LAMC3: variants seen among roughly 807,000 people sequenced by gnomAD.
The protein encoded by LAMC3 is laminin subunit gamma-3.
Under a neutral mutation model 173.8 loss-of-function variants are expected in LAMC3, and 128 were observed. The ratio of observed to expected loss-of-function variants is 0.74; its 90% CI spans 0.64 to 0.85. The LOEUF (loss-of-function observed/expected upper bound fraction) is 0.85. Ranked by LOEUF, LAMC3 falls within the 40% of genes least tolerant of loss-of-function variation. LAMC3 has a pLI of 0.00. For synonymous variants in LAMC3, 897 were observed against 909.1 expected, an observed-to-expected ratio of 0.99 and a Z score of 0.24; for missense variants, 2,022 against 2,156.0, an observed-to-expected ratio of 0.94 and a Z score of 1.23.
chr9:131,015,619 C>T lies in LAMC3; in HGVS notation c.373+6032C>T, dbSNP rs116202422. Among the ~76,000 whole-genome samples, 993 of 152,266 alleles carry T rather than the reference C, an allele frequency of 6.5e-3. 12 individuals carry two copies. The highest frequency in any genetic ancestry group is 0.023 in the African/African-American group (957 of 41,558). On this transcript the variant is annotated intron_variant, in intron 1 of 27. Transcript: ENST00000361069. Reference sequence around the variant, plus strand: ...ATGCAAGGGCCCCCGTGTGCAAAGGCTATGCAAGGGCCCCTGTGTGCATAG... The same window carrying T: ...ATGCAAGGGCCCCCGTGTGCAAAGGTTATGCAAGGGCCCCTGTGTGCATAG...
chr9:131,026,227 C>T lies in LAMC3; in HGVS notation c.374-58C>T. 1 of 1,608,500 alleles carries T rather than the reference C, an allele frequency of 6.2e-7. No homozygotes were observed. Among genetic ancestry groups the T allele is most frequent in the East Asian group, 2.2e-5 (1 of 44,532 alleles). On this transcript the variant is annotated intron_variant, in intron 1 of 27. Coordinates refer to ENST00000361069, the MANE Select transcript of LAMC3 (RefSeq NM_006059.4). This position sits in a 1 kb window ranked among gnomAD's most constrained non-coding sequence, Gnocchi z 4.8. The stretch of plus-strand genomic sequence containing the variant: ...AATGCAGCCGTCTGTCCTTCCTAGA[C>T]CAGGATTCCATACCTCCTTCCCCTT...
chr9:131,033,664 G>A (rs1039948809), intron 3 of LAMC3, among the ~76,000 whole-genome samples: 1 of 152,118 alleles, frequency 6.6e-6, no homozygotes, highest in Non-Finnish European at 1.5e-5. Context: ...GCCAAGTGGG[G>A]CAGATAGGAG....
At chr9:131,010,156 A>G (rs1833387417) in intron 1 of LAMC3, among the ~76,000 whole-genome samples, 1 of 123,914 alleles carries the variant, frequency 8.1e-6, no homozygotes, top group Non-Finnish European at 1.7e-5. Flanking sequence ...CCGTCTCAAA[A>G]AAAAAAAAAA....
chr9:131,012,685 C>T (rs556689643), intron 1 of LAMC3, among the ~76,000 whole-genome samples: 1 of 152,218 alleles, frequency 6.6e-6, no homozygotes, highest in Non-Finnish European at 1.5e-5. Flanking sequence ...TTGTCGGTGT[C>T]CCCTGTGGAG....
At chr9:131,046,250 T>C (rs566711545) in intron 8 of LAMC3, among the ~76,000 whole-genome samples, 20 of 136,976 alleles carry the variant, frequency 1.5e-4, no homozygotes, top group African/African-American at 5.1e-4. Context: ...TGAAGTGCAG[T>C]GGTGCAAGAT....
chr9:131,077,192 A>G lies in LAMC3; in HGVS notation c.3635A>G (p.Gln1212Arg), dbSNP rs1407357871. The G allele has an allele frequency of 3.1e-6, 5 of 1,613,520 alleles. No homozygotes were observed. Among genetic ancestry groups the G allele is most frequent in the Non-Finnish European group, 4.2e-6 (5 of 1,180,030 alleles). Residue 1212 changes from glutamine (Q) to arginine (R), a missense_variant, in exon 22 of 28, where the codon CAG becomes CGG. Gln to Arg is a conservative substitution (Grantham distance 43). Coordinates refer to ENST00000361069, the MANE Select transcript of LAMC3 (RefSeq NM_006059.4). ...TGGCCTCTGCTTCCTCCCAGGTACC[A>G]GGAGGTCCAGGCGGCCCAGAAAGCA... is the stretch of plus-strand genomic sequence containing the variant. The part of the protein sequence containing the change: ...ETQRDLEDRY[Q>R]EVQAAQKALR...
intron 3 of LAMC3, among the ~76,000 whole-genome samples, chr9:131,032,602 T>TCTC (rs1833858053): frequency 8.4e-6 from 1 of 118,692 alleles, no homozygotes; most frequent in Admixed American, 8.4e-5. Context: ...CTCACTCGCT[T>TCTC]TCTCTCTCTC....
At position 131,029,205 on chromosome 9, in the gene LAMC3, T is replaced by C. The variant is rs560750353; in HGVS notation, c.678+2616T>C. Among the ~76,000 whole-genome samples, 4 of 152,350 alleles carry C rather than the reference T, an allele frequency of 2.6e-5. No homozygotes were observed. Among genetic ancestry groups the C allele is most frequent in the South Asian group, 4.1e-4 (2 of 4,828 alleles). ...TCCAGGGCAAAGGGCCAGGCCCCTC[T>C]TTGGGCAAGCCGAATCCTTTATCAC... On this transcript the variant is annotated intron_variant, in intron 2 of 27. Coordinates refer to ENST00000361069, the MANE Select transcript of LAMC3 (RefSeq NM_006059.4). The surrounding 1 kb of genome is among the most constrained non-coding windows in gnomAD (Gnocchi z 4.6).
intron 1 of LAMC3, among the ~76,000 whole-genome samples, chr9:131,010,157 A>C (rs1833387465): frequency 7.7e-6 from 1 of 129,134 alleles, no homozygotes; most frequent in African/African-American, 3.2e-5. Flanking sequence ...CGTCTCAAAA[A>C]AAAAAAAAAA....
chr9:131,013,836 G>A (rs185558737), intron 1 of LAMC3, among the ~76,000 whole-genome samples: 1 of 152,220 alleles, frequency 6.6e-6, no homozygotes, highest in Non-Finnish European at 1.5e-5. Context: ...GACATTAGGG[G>A]GACCCTGTGG....
chr9:131,092,299 A>G lies in LAMC3; in HGVS notation c.*512A>G, dbSNP rs576699094. Reference sequence around the variant, plus strand: ...TCTGCAGAGATCAAGGGGGTCAGCAACAGCCAAAGCCCCTAGTCCCAGAGC... The same window carrying G: ...TCTGCAGAGATCAAGGGGGTCAGCAGCAGCCAAAGCCCCTAGTCCCAGAGC... On this transcript the variant is annotated 3_prime_UTR_variant, in exon 28 of 28. Transcript: ENST00000361069. 88 of 178,500 alleles carry G rather than the reference A, an allele frequency of 4.9e-4. 1 individual carries two copies. In the South Asian group the frequency reaches 0.012, roughly 24 times the overall value. 11.1% of individuals were successfully genotyped at this position (178,500 alleles called of 1,614,324 possible). A position where few individuals can be genotyped will look rare whatever the true frequency, so the allele number is the denominator to read the frequency against.
intron 7 of LAMC3, 105 bp from the exon 8 acceptor site, chr9:131,045,419 C>T: frequency 7.5e-7 from 1 of 1,326,104 alleles, no homozygotes; most frequent in Non-Finnish European, 1.1e-6. Context: ...TTTTAAGTTT[C>T]TGCAGTGATT....
intron 4 of LAMC3, 139 bp downstream of exon 4, chr9:131,036,471 G>C: frequency 1.1e-6 from 1 of 945,632 alleles, no homozygotes; most frequent in Non-Finnish European, 1.6e-6. Context: ...TGCTGCTGCA[G>C]AGATAAGGAC....
At chr9:131,077,669 T>G (rs1830155996) in intron 22 of LAMC3, among the ~76,000 whole-genome samples, 1 of 80,122 alleles carries the variant, frequency 1.2e-5, no homozygotes. Flanking sequence ...AGAGCAAGAC[T>G]CCATCTCAAA....
chr9:131,062,736 G>C (rs1306409173), intron 13 of LAMC3, among the ~76,000 whole-genome samples: 1 of 151,950 alleles, frequency 6.6e-6, no homozygotes. Flanking sequence ...AGGAGCGGTG[G>C]CAGGCACCTG....
chr9:131,083,524 GA>G (rs1168107245), intron 24 of LAMC3, among the ~76,000 whole-genome samples: 1 of 152,164 alleles, frequency 6.6e-6, no homozygotes, highest in South Asian at 2.1e-4. Flanking sequence ...GCTCTGCCAA[GA>G]GAGGGTTTGT....
chr9:131,091,658 G>A lies in LAMC3; in HGVS notation c.4599G>A (p.Glu1533=), dbSNP rs1226226963. Residue 1533 remains glutamate, a synonymous_variant, in exon 28 of 28, where the codon GAG becomes GAA. Coordinates refer to ENST00000361069, the MANE Select transcript of LAMC3 (RefSeq NM_006059.4). ...TGCAGAGGAAACTCAGTCTGCTGGA[G>A]CAGGAATCCCAGCAGCAGGAGCTGC... ...GSLQRKLSLL[E]QESQQQELQI... is the part of the protein sequence containing the mutation. 1 of 1,607,606 alleles carries A rather than the reference G, an allele frequency of 6.2e-7. No individual in the cohort carries two copies. Among genetic ancestry groups the A allele is most frequent in the East Asian group, 2.2e-5 (1 of 44,724 alleles).
In LAMC3 at chr9:131,032,535, TCTCTCTCTCTTGCTCTCTCTCG is replaced by T. The variant is rs763553407; in HGVS notation, c.809+385_809+406del. Among the ~76,000 whole-genome samples, 713 of 128,266 alleles carry T rather than the reference TCTCTCTCTCTTGCTCTCTCTCG, an allele frequency of 5.6e-3. 2 individuals are homozygous for T. The highest frequency in any genetic ancestry group is 0.019 in the African/African-American group (546 of 29,040). 84.1% of individuals were successfully genotyped at this position (128,266 alleles called of 152,430 possible). ...CTCTCTCTCTTGCTCTCTCTCGCTG[TCTCTCTCTCTTGCTCTCTCTCG>T]CTCTCTCTCTTGCTCTCTCTCGCTT... On this transcript the variant is annotated intron_variant, in intron 3 of 27. Transcript: ENST00000361069.
At chr9:131,058,979 C>T (rs1419746679) in intron 12 of LAMC3, among the ~76,000 whole-genome samples, 1 of 148,404 alleles carries the variant, frequency 6.7e-6, no homozygotes, top group Non-Finnish European at 1.5e-5. Context: ...AGGTGGATCA[C>T]CTGAGGTTGG....
Sources: allele counts gnomAD v4.1 joint callset (sites outside exome capture counted in the v4.1 genomes callset), GRCh38; gene constraint gnomAD v4.1.1; non-coding constraint Gnocchi (gnomAD v3.1); transcripts MANE v1.5; gene names NCBI Gene and HGNC (gene_info 2026-07-23, HGNC 2026-07-21).